FGD3: variants seen among roughly 807,000 people sequenced by gnomAD.
FGD3 encodes the protein FYVE, RhoGEF and PH domain containing 3, also known as FYVE, RhoGEF and PH domain-containing protein 3.
In FGD3, 45 loss-of-function variants were observed where a neutral mutation model predicts 71.8. That is an observed-to-expected ratio of 0.63 (90% CI 0.49 to 0.80). The LOEUF (loss-of-function observed/expected upper bound fraction) is 0.80, where lower values mean the gene tolerates loss of function less well. Ranked by LOEUF, FGD3 falls within the 30% of genes least tolerant of loss-of-function variation. The probability of loss-of-function intolerance (pLI) is 0.00; values close to 1 mark genes in which losing one functional copy is unlikely to be tolerated. For synonymous variants in FGD3, 378 were observed against 392.8 expected, an observed-to-expected ratio of 0.96 and a Z score of 0.44; for missense variants, 844 against 951.5, an observed-to-expected ratio of 0.89 and a Z score of 1.49.
At chr9:92,963,217 A>G (rs1859206363) in intron 1 of FGD3, among the ~76,000 whole-genome samples, 2 of 152,336 alleles carry the variant, frequency 1.3e-5, no homozygotes, top group East Asian at 3.9e-4. Flanking sequence ...GAAGGGGCCC[A>G]ATGAGTAACC....
Position 92,976,699 on chromosome 9 carries a change from G to C in FGD3, c.443G>C (p.Gly148Ala), listed in dbSNP as rs750366159. The C allele has an allele frequency of 6.3e-7, 1 of 1,582,806 alleles. No individual in the cohort carries two copies. Among genetic ancestry groups the C allele is most frequent in the African/African-American group, 1.3e-5 (1 of 74,286 alleles). The change falls in exon 3 of 18, where the codon GGC becomes GCC. Residue 148 changes from glycine to alanine, a missense_variant. By Grantham distance (60) the Gly-to-Ala change is moderately conservative. Coordinates refer to ENST00000375482, the MANE Select transcript of FGD3 (RefSeq NM_001083536.2). ...NTPQKADKDA[G>A]LAQHSGPQKL... ...CCCCAGAAGGCTGACAAGGATGCCG[G>C]CCTGGCCCAGGTAGGCTTCCCCTTC...
At chr9:92,981,324 C>T (rs1044699676) in intron 3 of FGD3, among the ~76,000 whole-genome samples, 29 of 147,616 alleles carry the variant, frequency 2.0e-4, no homozygotes, top group African/African-American at 5.0e-4. Context: ...CCTGATATCG[C>T]GCCACTGCAC....
intron 3 of FGD3, among the ~76,000 whole-genome samples, chr9:92,978,744 CAT>C (rs1859874808): frequency 2.6e-5 from 1 of 38,368 alleles, no homozygotes; most frequent in Non-Finnish European, 5.0e-5. Flanking sequence ...TCCCCTCCCC[CAT>C]CCCCCCTCCA....
At chr9:93,032,934 T>C in intron 16 of FGD3, 61 bp downstream of exon 16, 1 of 1,456,814 alleles carries the variant, frequency 6.9e-7, no homozygotes, top group Admixed American at 1.7e-5. Context: ...AGACACCTGC[T>C]CCTGTGCCCC....
intron 1 of FGD3, among the ~76,000 whole-genome samples, chr9:92,956,670 G>GCCA (rs1184781236): frequency 2.0e-5 from 3 of 152,092 alleles, no homozygotes; most frequent in African/African-American, 7.2e-5. Flanking sequence ...CAGCCACCTA[G>GCCA]CCAGTGGGAC....
At chr9:93,035,242 G>A in intron 17 of FGD3, 96 bp from the exon 18 acceptor site, 1 of 1,505,100 alleles carries the variant, frequency 6.6e-7, no homozygotes, top group Non-Finnish European at 8.9e-7. Context: ...CGTTGCAAGG[G>A]TCTGGGAGTG....
At chr9:92,987,801 G>C (rs1206772502) in intron 3 of FGD3, among the ~76,000 whole-genome samples, 2 of 152,176 alleles carry the variant, frequency 1.3e-5, no homozygotes, top group African/African-American at 2.4e-5. Flanking sequence ...CATTCTTCCT[G>C]TACCTGTCAA....
chr9:93,010,185 G>T, intron 6 of FGD3, 61 bp from the exon 7 acceptor site: 3 of 1,529,782 alleles, frequency 2.0e-6, no homozygotes, highest in Non-Finnish European at 2.7e-6. Flanking sequence ...GCCAGAAGCC[G>T]GTGGGGCTGG....
chr9:92,952,573 A>G (rs1245799282), intron 1 of FGD3, among the ~76,000 whole-genome samples: 2 of 151,410 alleles, frequency 1.3e-5, no homozygotes, highest in African/African-American at 4.9e-5. Flanking sequence ...AGGCCCCCCC[A>G]TCCCATCCTC....
chr9:93,022,312 C>T lies in FGD3; in HGVS notation c.1495-15C>T, dbSNP rs1315966136. ...CCTGGAATCTCCTCTCACTCGGCCT[C>T]TGTGTCCCTTCTAGATCACGAGCAC... On this transcript the variant is annotated splice_polypyrimidine_tract_variant and intron_variant, in intron 13 of 17. Coordinates refer to ENST00000375482, the MANE Select transcript of FGD3 (RefSeq NM_001083536.2). The T allele has an allele frequency of 2.5e-6, 4 of 1,609,120 alleles. No homozygotes were observed. The highest frequency in any genetic ancestry group is 3.4e-6 in the Non-Finnish European group (4 of 1,177,286).
At chr9:93,012,800 G>T (rs556845685) in intron 8 of FGD3, among the ~76,000 whole-genome samples, 1 of 152,096 alleles carries the variant, frequency 6.6e-6, no homozygotes, top group African/African-American at 2.4e-5. Context: ...CACTAAAGCT[G>T]CATTAGTCCC....
chr9:93,034,258 T>G, intron 16 of FGD3: 1 of 357,984 alleles, frequency 2.8e-6, no homozygotes. Context: ...TGCTGTTGGG[T>G]TTTCCTATGA....
At position 93,013,732 on chromosome 9, in the gene FGD3, T is replaced by TC; in HGVS notation, c.1036-119dup. 13 of 1,257,690 alleles carry TC rather than the reference T, an allele frequency of 1.0e-5. 1 individual carries two copies. The South Asian group carries it at 1.7e-4, about 16-fold the overall frequency. 77.9% of individuals were successfully genotyped at this position (1,257,690 alleles called of 1,614,324 possible). On this transcript the variant is annotated intron_variant, in intron 8 of 17. Coordinates refer to ENST00000375482, the MANE Select transcript of FGD3 (RefSeq NM_001083536.2). ...CACTCTGTTTTCCCTCCCACCCTTG[T>TC]CAGTAGCTCATTGCCCTCTCTGGAT...
Position 93,003,998 on chromosome 9 carries a change from C to T in FGD3, c.544-3C>T. 5.6e-6 allele frequency: 9 copies of T among 1,614,112 alleles called. No homozygotes were observed. The highest frequency in any genetic ancestry group is 6.8e-6 in the Non-Finnish European group (8 of 1,180,022). ...GGCCACACGTGGGCTTCTCTATGCT[C>T]AGGTTTTCTGCACCAGGCTGACGGA... On this transcript the variant is annotated splice_region_variant and splice_polypyrimidine_tract_variant and intron_variant, in intron 4 of 17. Coordinates refer to ENST00000375482, the MANE Select transcript of FGD3 (RefSeq NM_001083536.2). The surrounding 1 kb of genome is among the most constrained non-coding windows in gnomAD (Gnocchi z 4.1).
chr9:92,966,387 C>T (rs1859326840), intron 1 of FGD3, among the ~76,000 whole-genome samples: 1 of 152,230 alleles, frequency 6.6e-6, no homozygotes, highest in Admixed American at 6.5e-5. Flanking sequence ...AGCTTGCTGC[C>T]TGCCGGTGAG....
intron 14 of FGD3, among the ~76,000 whole-genome samples, chr9:93,029,004 T>C (rs1047661314): frequency 2.7e-5 from 1 of 37,698 alleles, no homozygotes; most frequent in African/African-American, 1.9e-4. Context: ...AGTTTTTTTT[T>C]TTTTTTTTTT....
At chr9:92,953,492 G>C (rs1372356575) in intron 1 of FGD3, among the ~76,000 whole-genome samples, 1 of 152,202 alleles carries the variant, frequency 6.6e-6, no homozygotes, top group East Asian at 1.9e-4. Context: ...TAAGAAATGA[G>C]GTATAGTGAG....
chr9:92,979,749 T>G (rs1221723961), intron 3 of FGD3, among the ~76,000 whole-genome samples: 1 of 152,346 alleles, frequency 6.6e-6, no homozygotes, highest in African/African-American at 2.4e-5. Flanking sequence ...TTTGTTTGTT[T>G]GGAGGATCTT....
At chr9:93,002,861 C>T in intron 3 of FGD3, 64 bp from the exon 4 acceptor site, 1 of 1,532,320 alleles carries the variant, frequency 6.5e-7, no homozygotes, top group South Asian at 1.1e-5. Context: ...CAGTGGCAGC[C>T]CGTTAGGTGC....
Sources: gnomAD v4.1 joint callset for allele counts (sites outside exome capture counted in the v4.1 genomes callset) on GRCh38, gnomAD v4.1.1 for gene constraint, Gnocchi (gnomAD v3.1) non-coding constraint, MANE v1.5 for transcripts, NCBI Gene and HGNC (gene_info 2026-07-23, HGNC 2026-07-21) for gene names.